The following DMD variants were observed in gnomAD, a reference collection of about 807,000 sequenced individuals.
The protein encoded by DMD is mutant dystrophin.
In DMD, 63 loss-of-function variants were observed where a neutral mutation model predicts 330.1. The observed-to-expected ratio is 0.19, with a 90% CI of 0.16 to 0.24. DMD has a LOEUF of 0.24. Among genes scored for constraint, DMD ranks in the 10% least tolerant of loss-of-function variants. The pLI is 1.00. For missense variants in DMD, 3,344 were observed against 2,684.1 expected, an observed-to-expected ratio of 1.25 and a Z score of -5.43; for synonymous variants, 1,223 against 959.8, an observed-to-expected ratio of 1.27 and a Z score of -5.07.
intron 67 of DMD, among the ~76,000 whole-genome samples, chrX:31,185,376 T>C (rs1218926274): frequency 1.8e-5 from 2 of 111,470 alleles, no homozygotes; most frequent in African/African-American, 3.3e-5. Context: ...CTTCCCTAGT[T>C]CCCCCCTCTC....
intron 11 of DMD, among the ~76,000 whole-genome samples, chrX:32,635,030 G>A (rs1371358902): frequency 1.8e-5 from 2 of 112,079 alleles, no homozygotes; most frequent in African/African-American, 3.2e-5. Flanking sequence ...ACACTGGGAT[G>A]GATGATTCTT....
At chrX:32,474,428 G>T (rs1475203981) in intron 21 of DMD, among the ~76,000 whole-genome samples, 2 of 111,344 alleles carry the variant, frequency 1.8e-5, no homozygotes, top group East Asian at 5.7e-4. Flanking sequence ...TTTAGTTAAG[G>T]AATCTCCACA....
intron 44 of DMD, among the ~76,000 whole-genome samples, chrX:32,058,066 A>G (rs2096193019): frequency 9.0e-6 from 1 of 111,532 alleles, no homozygotes; most frequent in Admixed American, 9.6e-5. Context: ...AACTATACAT[A>G]AAAATCAACT....
intron 20 of DMD, among the ~76,000 whole-genome samples, chrX:32,488,030 G>A (rs903738383): frequency 1.5e-4 from 16 of 108,804 alleles, no homozygotes; most frequent in Non-Finnish European, 2.1e-4. Context: ...CATTTTTCCC[G>A]TTCAGGGGGC....
chrX:32,868,945 G>A (rs1181653692), intron 2 of DMD, among the ~76,000 whole-genome samples: 5 of 111,854 alleles, frequency 4.5e-5, no homozygotes, highest in African/African-American at 1.6e-4. Context: ...CACCCTGACT[G>A]GGTGAGACCC....
At chrX:32,731,958 T>C (rs896879179) in intron 7 of DMD, among the ~76,000 whole-genome samples, 1 of 111,690 alleles carries the variant, frequency 9.0e-6, no homozygotes, top group African/African-American at 3.3e-5. Context: ...ACGATCAAAT[T>C]ACTCTGAGCT....
chrX:32,006,492 T>C (rs746429143), intron 44 of DMD, among the ~76,000 whole-genome samples: 1 of 111,862 alleles, frequency 8.9e-6, no homozygotes, highest in South Asian at 3.7e-4. Context: ...ATAAATGTTT[T>C]ATAGGGCCTT....
rs112836170 is a variant in DMD, at chrX:32,199,762, C to T, written c.6438+17154G>A. 7.0e-3 allele frequency among the ~76,000 whole-genome samples: 727 copies of T among 103,899 alleles called. 5 individuals carry two copies. The highest frequency in any genetic ancestry group is 0.023 in the South Asian group (52 of 2,243). 90.2% of individuals were successfully genotyped at this position (103,899 alleles called of 115,157 possible). A position where few individuals can be genotyped will look rare whatever the true frequency, so the allele number is the denominator to read the frequency against. Reference sequence around the variant, plus strand: ...CTGAGTAGCTGGGACTATCAGCAAGCGCCACCACGCAAGGCTTTTGTGTGT... The same window carrying T: ...CTGAGTAGCTGGGACTATCAGCAAGTGCCACCACGCAAGGCTTTTGTGTGT... On this transcript the variant is annotated intron_variant, in intron 44 of 78. Transcript: ENST00000357033.
At chrX:33,261,488 T>A (rs970929777) in intron 1 of DMD, among the ~76,000 whole-genome samples, 1 of 110,223 alleles carries the variant, frequency 9.1e-6, no homozygotes, top group African/African-American at 3.3e-5. Context: ...AGAATTAAGA[T>A]CACTGCTTGA....
chrX:31,593,836 ATTAAATG>A (rs1473107257), intron 55 of DMD, among the ~76,000 whole-genome samples: 3 of 111,322 alleles, frequency 2.7e-5, no homozygotes, highest in African/African-American at 9.7e-5. Context: ...TGTAAAGCAT[ATTAAATG>A]TTAAATAAAA....
chrX:32,044,801 C>T (rs1399824300), intron 44 of DMD, among the ~76,000 whole-genome samples: 2 of 111,729 alleles, frequency 1.8e-5, no homozygotes, highest in South Asian at 3.7e-4. Flanking sequence ...AGTAGAAATG[C>T]TATTATTTAA....
intron 16 of DMD, 110 bp downstream of exon 16, chrX:32,565,592 G>C (rs765907898): frequency 1.3e-6 from 1 of 798,108 alleles, no homozygotes; most frequent in Non-Finnish European, 1.8e-6. Flanking sequence ...CTAAACACAG[G>C]GCAAAAACTA....
At chrX:31,287,377 G>A (rs1403370191) in intron 62 of DMD, among the ~76,000 whole-genome samples, 2 of 112,322 alleles carry the variant, frequency 1.8e-5, no homozygotes, top group African/African-American at 6.5e-5. Context: ...ACGCAAGAGA[G>A]GAAAAGAAAA....
In DMD at chrX:31,448,071, A is replaced by C. The variant is rs770594134; in HGVS notation, c.8938-3444T>G. Among the ~76,000 whole-genome samples the C allele has an allele frequency of 4.6e-5, 5 of 109,786 alleles. No homozygotes were observed. The South Asian group carries it at 2.0e-3, about 43-fold the overall frequency. ...AATATTCAGTTTAATCTGAATTCCTAAATTTCTGTTAAAATATTTGACAAT... is the reference window on the plus strand; with the variant it reads ...AATATTCAGTTTAATCTGAATTCCTCAATTTCTGTTAAAATATTTGACAAT... On this transcript the variant is annotated intron_variant, in intron 59 of 78. Coordinates refer to ENST00000357033, the MANE Select transcript of DMD (RefSeq NM_004006.3).
chrX:31,293,193 TA>T (rs1184614701), intron 62 of DMD, among the ~76,000 whole-genome samples: 1,433 of 56,827 alleles, frequency 0.025, 42 homozygotes, highest in African/African-American at 0.13. Context: ...TGTGTGTGTG[TA>T]GTCTGGTTTA....
chrX:32,933,031 T>G (rs986161627), intron 2 of DMD, among the ~76,000 whole-genome samples: 1 of 111,956 alleles, frequency 8.9e-6, no homozygotes, highest in Non-Finnish European at 1.9e-5. Flanking sequence ...AAAATTCCTT[T>G]GTAAGGCACT....
intron 25 of DMD, among the ~76,000 whole-genome samples, chrX:32,458,859 C>G: frequency 9.0e-6 from 1 of 111,150 alleles, no homozygotes; most frequent in Non-Finnish European, 1.9e-5. Flanking sequence ...TTTATTTTTG[C>G]TATTGAATTT....
At chrX:32,628,730 C>A (rs1200414702) in intron 11 of DMD, among the ~76,000 whole-genome samples, 1 of 110,678 alleles carries the variant, frequency 9.0e-6, no homozygotes, top group East Asian at 2.8e-4. Flanking sequence ...CTTTTTCATT[C>A]GTTTCAAGAA....
At chrX:33,190,896 ATTATATAATATATAATAT>A (rs2050531202) in intron 1 of DMD, among the ~76,000 whole-genome samples, 1 of 6,141 alleles carries the variant, frequency 1.6e-4, no homozygotes, top group Admixed American at 2.0e-3. Flanking sequence ...AATATTATAT[ATTATATAATATATAATAT>A]TATATATATA....
Sources: allele counts gnomAD v4.1 joint callset (sites outside exome capture counted in the v4.1 genomes callset), GRCh38; gene constraint gnomAD v4.1.1; transcripts MANE v1.5; gene names NCBI Gene and HGNC (gene_info 2026-07-23, HGNC 2026-07-21).